The following CRYBA4 variants were observed in gnomAD, a reference collection of about 807,000 sequenced individuals.
CRYBA4 encodes the protein beta-crystallin A4.
In CRYBA4, 30 loss-of-function variants were observed where a neutral mutation model predicts 31.7. The observed-to-expected ratio is 0.95, with a 90% CI of 0.71 to 1.28. CRYBA4 has a LOEUF of 1.28. CRYBA4 is among the 50% of genes most tolerant of loss of function. The pLI, the probability that CRYBA4 is intolerant of heterozygous loss-of-function variation, is 0.00. For synonymous variants in CRYBA4, 102 were observed against 102.3 expected (o/e 1.00, Z 0.02); for missense variants, 225 against 260.7 (o/e 0.86, Z 0.94).
At chr22:26,611,359 AT>A in the CRYBA4 span, among the ~76,000 whole-genome samples, 1 of 151,794 alleles carries the variant, frequency 6.6e-6, no homozygotes, top group East Asian at 1.9e-4. Flanking sequence ...GATGCTTATC[AT>A]TACTCCCAGG....
upstream of CRYBA4, among the ~76,000 whole-genome samples, chr22:26,621,533 C>T (rs1160466606): frequency 2.0e-5 from 3 of 152,336 alleles, no homozygotes; most frequent in Non-Finnish European, 4.4e-5. Context: ...AAGGAATAGG[C>T]ATTTCCTGAA....
At chr22:26,612,258 C>T in the CRYBA4 span, 2 of 1,070,272 alleles carry the variant, frequency 1.9e-6, no homozygotes, top group African/African-American at 3.1e-5. Context: ...TAAGTATCTA[C>T]ATAAATAAAA....
At chr22:26,599,010 C>A in the CRYBA4 span, among the ~76,000 whole-genome samples, 1 of 152,192 alleles carries the variant, frequency 6.6e-6, no homozygotes, top group Non-Finnish European at 1.5e-5. Flanking sequence ...CTCATACCAA[C>A]CTCCTGGAGC....
At chr22:26,622,109 TAACCA>T in intron 1 of CRYBA4, 123 bp downstream of exon 1, 5 of 337,732 alleles carry the variant, frequency 1.5e-5, no homozygotes, top group Non-Finnish European at 2.2e-5. Flanking sequence ...ATCCTCATCC[TAACCA>T]AGGATGAGCC....
chr22:26,620,192 T>C (rs554117300), upstream of CRYBA4, among the ~76,000 whole-genome samples: 5 of 152,294 alleles, frequency 3.3e-5, no homozygotes, highest in African/African-American at 4.8e-5. Context: ...CCCAGGCTCT[T>C]AAAAACTATG....
the CRYBA4 span, among the ~76,000 whole-genome samples, chr22:26,601,546 T>C: frequency 6.6e-6 from 1 of 151,698 alleles, no homozygotes; most frequent in South Asian, 2.1e-4. Flanking sequence ...TCCCTGCTCC[T>C]GGATGCATCC....
At chr22:26,627,601 T>C (rs531769369) in intron 4 of CRYBA4, among the ~76,000 whole-genome samples, 1 of 142,864 alleles carries the variant, frequency 7.0e-6, no homozygotes, top group Admixed American at 7.2e-5. Flanking sequence ...TCTTTCTTTC[T>C]TTCTCTTTCT....
the CRYBA4 span, chr22:26,601,798 T>G: frequency 1.9e-6 from 3 of 1,602,088 alleles, no homozygotes; most frequent in African/African-American, 4.0e-5. Context: ...GAATCTGATG[T>G]TATAACCTGT....
chr22:26,601,680 C>G, the CRYBA4 span, among the ~76,000 whole-genome samples: 4 of 132,342 alleles, frequency 3.0e-5, no homozygotes, highest in Non-Finnish European at 6.5e-5. Context: ...TTACACTGAC[C>G]TGGAATTCCT....
the CRYBA4 span, among the ~76,000 whole-genome samples, chr22:26,591,121 T>C: frequency 1.3e-5 from 2 of 152,322 alleles, no homozygotes. Context: ...CCTGTGATTC[T>C]AGCACTTTGG....
the CRYBA4 span, among the ~76,000 whole-genome samples, chr22:26,598,143 G>A: frequency 3.9e-4 from 59 of 151,700 alleles, no homozygotes; most frequent in Non-Finnish European, 7.4e-4. Flanking sequence ...TCGGCCTCCC[G>A]AAGTGCTGGG....
In CRYBA4 at chr22:26,630,502, C is replaced by T. The variant is rs375100087; in HGVS notation, c.*15C>T. Reference sequence around the variant, plus strand: ...TCCAGCAGTGAACAGGGGTGCGGCACGGAGGAGCGCATGCGTGCTTATCTG... The same window carrying T: ...TCCAGCAGTGAACAGGGGTGCGGCATGGAGGAGCGCATGCGTGCTTATCTG... On this transcript the variant is annotated 3_prime_UTR_variant, in exon 6 of 6. Coordinates refer to ENST00000354760, the MANE Select transcript of CRYBA4 (RefSeq NM_001886.3). 20 of 1,609,986 alleles carry T rather than the reference C, an allele frequency of 1.2e-5. No individual in the cohort carries two copies. Among genetic ancestry groups the T allele is most frequent in the Admixed American group, 3.3e-5 (2 of 59,952 alleles).
At position 26,627,456 on chromosome 22, in the gene CRYBA4, T is replaced by TTTTC. The variant is rs1316167741; in HGVS notation, c.301-814_301-811dup. 1.3e-4 allele frequency among the ~76,000 whole-genome samples: 14 copies of TTTTC among 106,956 alleles called. 1 individual carries two copies. Among genetic ancestry groups the TTTTC allele is most frequent in the East Asian group, 3.5e-4 (1 of 2,850 alleles). The allele number at this position is 106,956 out of a possible 152,430, so 70.2% of individuals were successfully genotyped here. A position where few individuals can be genotyped will look rare whatever the true frequency, so the allele number is the denominator to read the frequency against. On this transcript the variant is annotated intron_variant, in intron 4 of 5. Coordinates refer to ENST00000354760, the MANE Select transcript of CRYBA4 (RefSeq NM_001886.3). ...TTTCTTTCTTTCTTTCCTTCTTTCT[T>TTTTC]TTTCTTTCTTTCTTTCTTTCTCTTT...
the CRYBA4 span, among the ~76,000 whole-genome samples, chr22:26,610,534 C>T: frequency 1.3e-5 from 2 of 152,286 alleles, no homozygotes; most frequent in South Asian, 4.1e-4. Context: ...TGGCCACATC[C>T]GGTAGCTTCT....
the CRYBA4 span, among the ~76,000 whole-genome samples, chr22:26,593,317 A>G: frequency 6.6e-4 from 101 of 152,236 alleles, no homozygotes; most frequent in Non-Finnish European, 1.2e-3. Context: ...CTGACATTCA[A>G]GAGGATGAGG....
rs1162906706 is a variant in CRYBA4, at chr22:26,627,360, CT to C, written c.301-925del. Among the ~76,000 whole-genome samples, 26 of 25,194 alleles carry C rather than the reference CT, an allele frequency of 1.0e-3. 4 individuals are homozygous for C. Among genetic ancestry groups the C allele is most frequent in the African/African-American group, 1.5e-3 (8 of 5,266 alleles). The allele number at this position is 25,194 out of a possible 152,430, so 16.5% of individuals were successfully genotyped here. ...CCCTCCCTCCCTCCCTCCCTCCCTC[CT>C]TTCTTTCTTTCTTTCTTTCTTTCTT... On this transcript the variant is annotated intron_variant, in intron 4 of 5. Coordinates refer to ENST00000354760, the MANE Select transcript of CRYBA4 (RefSeq NM_001886.3).
chr22:26,617,706 T>G (rs947057108), upstream of CRYBA4, among the ~76,000 whole-genome samples: 1 of 152,068 alleles, frequency 6.6e-6, no homozygotes, highest in African/African-American at 2.4e-5. Context: ...TCTCTGTTCC[T>G]CTCTCCCCCA....
chr22:26,607,158 G>T, the CRYBA4 span, among the ~76,000 whole-genome samples: 2 of 151,712 alleles, frequency 1.3e-5, no homozygotes, highest in African/African-American at 4.8e-5. Context: ...TAGTAGCTGG[G>T]ATTACAGGCA....
At chr22:26,600,324 C>G in the CRYBA4 span, among the ~76,000 whole-genome samples, 1 of 151,996 alleles carries the variant, frequency 6.6e-6, no homozygotes, top group Admixed American at 6.6e-5. Flanking sequence ...ACGGCGTGAA[C>G]CCAGGAGGCG....
Sources: gnomAD v4.1 joint callset for allele counts (sites outside exome capture counted in the v4.1 genomes callset) on GRCh38, gnomAD v4.1.1 for gene constraint, MANE v1.5 for transcripts, NCBI Gene and HGNC (gene_info 2026-07-23, HGNC 2026-07-21) for gene names.